Variants in ARHGAP21 observed in about 807,000 individuals in gnomAD.
The protein encoded by ARHGAP21 is Rho GTPase activating protein 21.
ARHGAP21 carries 38 observed loss-of-function variants against 164.6 expected under a neutral mutation model. The ratio of observed to expected loss-of-function variants is 0.23; its 90% CI spans 0.18 to 0.30. The LOEUF is 0.30. Ranked by LOEUF, ARHGAP21 falls within the 10% of genes least tolerant of loss-of-function variation. The pLI is 1.00. For missense variants in ARHGAP21, 1,822 were observed against 2,370.7 expected (o/e 0.77, Z 4.81); for synonymous variants, 766 against 857.9 (o/e 0.89, Z 1.87).
Position 24,620,810 on chromosome 10 carries a change from C to G in ARHGAP21, c.1085G>C (p.Arg362Thr), listed in dbSNP as rs766665526. ...AGAGGGAGCCTCCACAGCTTGAGAT[C>G]TGCTGCTTGAGATTCCATCAGAATG... The part of the protein sequence containing the change: ...SGHSDGISSS[R>T]SQAVEAPSVS... The change falls in exon 9 of 26, where the codon AGA becomes ACA. Residue 362 changes from arginine to threonine, a missense_variant. By Grantham distance (71) the Arg-to-Thr change is moderately conservative. Transcript: ENST00000396432. 4 of 1,614,030 alleles carry G rather than the reference C, an allele frequency of 2.5e-6. No homozygotes were observed. Among genetic ancestry groups the G allele is most frequent in the South Asian group, 1.1e-5 (1 of 91,082 alleles).
chr10:24,592,534 G>T (rs895608629), intron 21 of ARHGAP21, among the ~76,000 whole-genome samples: 10 of 152,096 alleles, frequency 6.6e-5, no homozygotes, highest in African/African-American at 2.4e-4. Flanking sequence ...ACTTGCAGAA[G>T]ATTACAGGCA....
intron 2 of ARHGAP21, chr10:24,714,339 A>G (rs1238931766): frequency 6.6e-6 from 1 of 152,264 alleles, no homozygotes; most frequent in Non-Finnish European, 1.5e-5. Flanking sequence ...TAAAGAAATG[A>G]AGAACATCAA....
chr10:24,640,464 T>G (rs958181794), intron 4 of ARHGAP21, among the ~76,000 whole-genome samples: 2 of 152,112 alleles, frequency 1.3e-5, no homozygotes, highest in Non-Finnish European at 2.9e-5. Context: ...CATTGGTTTC[T>G]TTGTTGCCAA....
chr10:24,659,157 A>C (rs1019407624), intron 4 of ARHGAP21, among the ~76,000 whole-genome samples: 1 of 152,210 alleles, frequency 6.6e-6, no homozygotes, highest in Non-Finnish European at 1.5e-5. Flanking sequence ...ACATAGGATT[A>C]CCATGTGACC....
intron 2 of ARHGAP21, among the ~76,000 whole-genome samples, chr10:24,672,143 C>G (rs1270441826): frequency 6.6e-6 from 1 of 152,038 alleles, no homozygotes; most frequent in Non-Finnish European, 1.5e-5. Context: ...CAATTCTTTT[C>G]CTTCCATTTC....
chr10:24,701,919 A>G (rs1273453332), intron 2 of ARHGAP21, among the ~76,000 whole-genome samples: 1 of 152,140 alleles, frequency 6.6e-6, no homozygotes, highest in Non-Finnish European at 1.5e-5. Context: ...TTCCCTATGT[A>G]TGTGGCTGTG....
chr10:24,713,951 G>GT (rs1170728426), intron 2 of ARHGAP21, among the ~76,000 whole-genome samples: 1 of 152,304 alleles, frequency 6.6e-6, no homozygotes, highest in African/African-American at 2.4e-5. Context: ...CCAAAATTGA[G>GT]TTTTTTGCAT....
At chr10:24,632,832 A>G (rs551757789) in intron 6 of ARHGAP21, among the ~76,000 whole-genome samples, 1 of 152,182 alleles carries the variant, frequency 6.6e-6, no homozygotes, top group Non-Finnish European at 1.5e-5. Flanking sequence ...AAAATTTTCT[A>G]GTTGTGTGGG....
At chr10:24,648,229 C>G (rs183492512) in intron 4 of ARHGAP21, among the ~76,000 whole-genome samples, 2 of 152,256 alleles carry the variant, frequency 1.3e-5, no homozygotes, top group Admixed American at 1.3e-4. Flanking sequence ...CGAACAGGTA[C>G]GTCAGGAGGA....
Position 24,584,641 on chromosome 10 carries a change from A to T in ARHGAP21, c.5648T>A (p.Ile1883Lys). 1 of 1,613,782 alleles carries T rather than the reference A, an allele frequency of 6.2e-7. No individual in the cohort carries two copies. The highest frequency in any genetic ancestry group is 8.5e-7 in the Non-Finnish European group (1 of 1,179,840). ...AGACAAAGGTGTGTCGGTCGTGGCT[A>T]TTTCTCGTGTGCTTGGGTTCTCTGT... Reference protein sequence around the residue: ...PQTENPSTREIATTDTPLSLH... With the variant: ...PQTENPSTREKATTDTPLSLH... The change falls in exon 26 of 26, where the codon ATA becomes AAA. Residue 1883 changes from isoleucine to lysine, a missense_variant. By Grantham distance (102) the Ile-to-Lys change is moderately radical (BLOSUM62 -3). Transcript: ENST00000396432.
rs1425205007 is a variant in ARHGAP21, at chr10:24,595,103, AAAAT to A, written c.3786+10_3786+13del. 3.1e-6 allele frequency: 5 copies of A among 1,607,962 alleles called. No homozygotes were observed. The African/African-American group carries it at 6.7e-5, about 22-fold the overall frequency. ...ATTTTAGTTGTATCCCCCAAAATAT[AAAAT>A]AATACCTACTAGTCTTTTTAATGTT... is the stretch of plus-strand genomic sequence containing the variant. On this transcript the variant is annotated intron_variant, in intron 20 of 25. Coordinates refer to ENST00000396432, the MANE Select transcript of ARHGAP21 (RefSeq NM_020824.4).
In ARHGAP21 at chr10:24,607,909, A is replaced by G. The variant is rs774049112; in HGVS notation, c.2423-6T>C. The G allele has an allele frequency of 6.3e-7, 1 of 1,582,800 alleles. No individual in the cohort carries two copies. Among genetic ancestry groups the G allele is most frequent in the East Asian group, 2.2e-5 (1 of 44,548 alleles). On this transcript the variant is annotated splice_polypyrimidine_tract_variant and splice_region_variant and intron_variant, in intron 9 of 25. Coordinates refer to ENST00000396432, the MANE Select transcript of ARHGAP21 (RefSeq NM_020824.4). ...GCTAGGGCTAGTTGGTTCATCTGTA[A>G]GAAAAAAGGAAAATCAGAATGTTCA... is the stretch of plus-strand genomic sequence containing the variant.
At chr10:24,590,305 A>G (rs1454196268) in intron 24 of ARHGAP21, 1 of 1,534,260 alleles carries the variant, frequency 6.5e-7, no homozygotes, top group Non-Finnish European at 8.7e-7. Flanking sequence ...TCTTATGAGA[A>G]ACTTTACACC....
intron 4 of ARHGAP21, among the ~76,000 whole-genome samples, chr10:24,647,616 A>AT (rs1837706825): frequency 6.6e-6 from 1 of 152,208 alleles, no homozygotes; most frequent in African/African-American, 2.4e-5. Flanking sequence ...GGTGGTCATC[A>AT]TTAGAAATAC....
chr10:24,695,050 CAAAAAAAAAAAAAAAAA>C (rs570457905), intron 2 of ARHGAP21, among the ~76,000 whole-genome samples: 4 of 78,500 alleles, frequency 5.1e-5, no homozygotes, highest in African/African-American at 2.0e-4. Flanking sequence ...AATTCCATCT[CAAAAAAAAAAAAAAAAA>C]AAAAAAAAAA....
chr10:24,632,948 G>A (rs72784283), intron 6 of ARHGAP21, among the ~76,000 whole-genome samples: 1 of 152,194 alleles, frequency 6.6e-6, no homozygotes, highest in Non-Finnish European at 1.5e-5. Context: ...TAAAATGCAG[G>A]CAGGCAAATG....
chr10:24,663,881 CT>C (rs1183012495), intron 4 of ARHGAP21, among the ~76,000 whole-genome samples: 1 of 152,122 alleles, frequency 6.6e-6, no homozygotes, highest in East Asian at 1.9e-4. Flanking sequence ...TCAACAGCAC[CT>C]CTGGCCTCTA....
intron 4 of ARHGAP21, among the ~76,000 whole-genome samples, chr10:24,660,386 T>TAAAAAAAAAAAAAAAA (rs56053080): frequency 5.0e-5 from 3 of 60,092 alleles, no homozygotes; most frequent in African/African-American, 1.9e-4. Flanking sequence ...CTCTCTCTCT[T>TAAAAAAAAAAAAAAAA]AAAAAAAAAA....
In ARHGAP21 at chr10:24,641,894, G is replaced by A. The variant is rs1783304765; in HGVS notation, c.269-6791C>T. ...TCCCTATAATGCCAGCTACTTGGGAGGCTGAGGCAGATAACTGCTTAAACA... is the reference window on the plus strand; with the variant it reads ...TCCCTATAATGCCAGCTACTTGGGAAGCTGAGGCAGATAACTGCTTAAACA... On this transcript the variant is annotated intron_variant, in intron 4 of 25. Coordinates refer to ENST00000396432, the MANE Select transcript of ARHGAP21 (RefSeq NM_020824.4). Among the ~76,000 whole-genome samples the A allele has an allele frequency of 3.9e-5, 6 of 152,046 alleles. No homozygotes were observed. In the South Asian group the frequency reaches 1.2e-3, roughly 32 times the overall value.
Sources: gnomAD v4.1 joint callset for allele counts (sites outside exome capture counted in the v4.1 genomes callset) on GRCh38, gnomAD v4.1.1 for gene constraint, MANE v1.5 for transcripts, NCBI Gene and HGNC (gene_info 2026-07-23, HGNC 2026-07-21) for gene names.